Variants in MPHOSPH6 observed in about 807,000 individuals in gnomAD.
MPHOSPH6 encodes the protein M-phase phosphoprotein 6.
MPHOSPH6 carries 25 observed loss-of-function variants against 21.8 expected under a neutral mutation model. The ratio of observed to expected loss-of-function variants is 1.15; its 90% confidence interval spans 0.83 to 1.60. The LOEUF is 1.60. Among genes scored for constraint, MPHOSPH6 ranks in the 40% most tolerant of loss-of-function variants. The pLI is 0.00. For missense variants in MPHOSPH6, 269 were observed against 181.8 expected, an observed-to-expected ratio of 1.48 and a Z score of -2.76; for synonymous variants, 84 against 56.5, an observed-to-expected ratio of 1.49 and a Z score of -2.18.
chr16:82,160,114 G>T (rs1403905193), intron 2 of MPHOSPH6, among the ~76,000 whole-genome samples: 3 of 149,928 alleles, frequency 2.0e-5, no homozygotes, highest in Non-Finnish European at 4.5e-5. Context: ...CCACGGGTTT[G>T]CATTGACACC....
intron 2 of MPHOSPH6, among the ~76,000 whole-genome samples, chr16:82,158,775 T>A (rs1258136291): frequency 1.3e-5 from 2 of 152,250 alleles, no homozygotes; most frequent in African/African-American, 2.4e-5. Flanking sequence ...ATCTGTCATC[T>A]TGGGCTTGAT....
chr16:82,158,274 G>A (rs1443794360), intron 2 of MPHOSPH6, among the ~76,000 whole-genome samples: 1 of 151,414 alleles, frequency 6.6e-6, no homozygotes, highest in Non-Finnish European at 1.5e-5. Context: ...GGATCACGAG[G>A]TCAGGAAATT....
At chr16:82,167,218 T>C (rs1906811207) in intron 1 of MPHOSPH6, among the ~76,000 whole-genome samples, 3 of 152,184 alleles carry the variant, frequency 2.0e-5, no homozygotes, top group Admixed American at 2.0e-4. Flanking sequence ...ATAAGCACCC[T>C]CTACAACCAT....
intron 1 of MPHOSPH6, among the ~76,000 whole-genome samples, chr16:82,168,398 T>G (rs1906858498): frequency 6.6e-6 from 1 of 152,002 alleles, no homozygotes; most frequent in African/African-American, 2.4e-5. Context: ...TCCACCCTCA[T>G]TCACCCATTC....
At chr16:82,167,818 C>T (rs1457978757) in intron 1 of MPHOSPH6, among the ~76,000 whole-genome samples, 1 of 152,208 alleles carries the variant, frequency 6.6e-6, no homozygotes, top group Non-Finnish European at 1.5e-5. Context: ...TGCCTGCCCG[C>T]TGCTCACTTC....
In MPHOSPH6 at chr16:82,148,994, T is replaced by C. The variant is rs76039364; in HGVS notation, c.351-131A>G. ...AGAAAACTATCATTAAAAGAAACCA[T>C]CTGATTTAACAATTTATGAACTTCT... On this transcript the variant is annotated intron_variant, in intron 4 of 4. Coordinates refer to ENST00000258169, the MANE Select transcript of MPHOSPH6 (RefSeq NM_005792.2). The C allele has an allele frequency of 8.9e-4, 1,076 of 1,210,988 alleles. 13 individuals are homozygous for C. The African/African-American group carries it at 0.013, about 15-fold the overall frequency. The allele number at this position is 1,210,988 out of a possible 1,614,324, so 75.0% of individuals were successfully genotyped here.
intron 2 of MPHOSPH6, among the ~76,000 whole-genome samples, chr16:82,152,911 A>G (rs1906312086): frequency 6.6e-6 from 1 of 152,224 alleles, no homozygotes; most frequent in South Asian, 2.1e-4. Flanking sequence ...CTTATGCAAC[A>G]AACACTTATT....
Position 82,148,646 on chromosome 16 carries a change from AC to A in MPHOSPH6, c.*84del. 6.7e-7 allele frequency: 1 copy of A among 1,482,506 alleles called. No homozygotes were observed. The highest frequency in any genetic ancestry group is 9.1e-7 in the Non-Finnish European group (1 of 1,098,246). The allele number at this position is 1,482,506 out of a possible 1,614,324, so 91.8% of individuals were successfully genotyped here. A position where few individuals can be genotyped will look rare whatever the true frequency, so the allele number is the denominator to read the frequency against. ...ACAAGTAAACGTTACAGTATTAATA[AC>A]TATAGAGACACCATTGGGATGAGCT... On this transcript the variant is annotated 3_prime_UTR_variant, in exon 5 of 5. Coordinates refer to ENST00000258169, the MANE Select transcript of MPHOSPH6 (RefSeq NM_005792.2).
intron 1 of MPHOSPH6, chr16:82,167,572 GT>G: frequency 6.4e-6 from 1 of 157,098 alleles, no homozygotes; most frequent in Non-Finnish European, 1.4e-5. Flanking sequence ...ACCTGAGCTT[GT>G]TTTCCTGAAA....
At chr16:82,166,458 T>C (rs12599988) in intron 1 of MPHOSPH6, among the ~76,000 whole-genome samples, 99,138 of 152,108 alleles carry the variant, frequency 0.65, 34,426 homozygotes, top group East Asian at 0.78. Context: ...GGTTGGCATT[T>C]GGCTTGGCTC....
chr16:82,157,946 T>C (rs1358434897), intron 2 of MPHOSPH6, among the ~76,000 whole-genome samples: 1 of 152,226 alleles, frequency 6.6e-6, no homozygotes, highest in Non-Finnish European at 1.5e-5. Flanking sequence ...CATCTTTTAC[T>C]GTGTTGACAT....
intron 2 of MPHOSPH6, among the ~76,000 whole-genome samples, chr16:82,152,589 G>T (rs956254437): frequency 3.3e-5 from 5 of 152,168 alleles, no homozygotes; most frequent in African/African-American, 1.2e-4. Flanking sequence ...AAGACGGGCA[G>T]AAATAACGGT....
At chr16:82,160,802 C>T (rs1906583081) in intron 2 of MPHOSPH6, among the ~76,000 whole-genome samples, 1 of 152,084 alleles carries the variant, frequency 6.6e-6, no homozygotes, top group African/African-American at 2.4e-5. Context: ...GTTCAGGAGA[C>T]ACTACTCCCA....
At chr16:82,162,514 G>T (rs79348628) in intron 2 of MPHOSPH6, among the ~76,000 whole-genome samples, 3 of 152,114 alleles carry the variant, frequency 2.0e-5, no homozygotes, top group African/African-American at 4.8e-5. Context: ...GGCCGTACCC[G>T]TGAATGGAGG....
intron 1 of MPHOSPH6, 138 bp downstream of exon 1, chr16:82,169,987 T>C (rs1327222658): frequency 4.0e-6 from 4 of 992,928 alleles, no homozygotes; most frequent in Admixed American, 3.3e-5. Context: ...AGGCGCTAAG[T>C]GAATGAATGA....
chr16:82,162,179 C>A (rs1014770884), intron 2 of MPHOSPH6: 1 of 152,224 alleles, frequency 6.6e-6, no homozygotes, highest in African/African-American at 2.4e-5. Context: ...ATACCCAATA[C>A]ACAAATGACA....
chr16:82,161,252 G>C (rs996534306), intron 2 of MPHOSPH6, among the ~76,000 whole-genome samples: 2 of 152,102 alleles, frequency 1.3e-5, no homozygotes, highest in African/African-American at 4.8e-5. Flanking sequence ...ACTTCAAATG[G>C]GTGGAAGGAA....
At chr16:82,169,503 G>A (rs1005967122) in intron 1 of MPHOSPH6, among the ~76,000 whole-genome samples, 2 of 152,078 alleles carry the variant, frequency 1.3e-5, no homozygotes, top group Non-Finnish European at 2.9e-5. Flanking sequence ...CCAGCCTACT[G>A]GCCCACCCTG....
chr16:82,167,281 G>C (rs941614161), intron 1 of MPHOSPH6, among the ~76,000 whole-genome samples: 1 of 152,044 alleles, frequency 6.6e-6, no homozygotes. Context: ...TTCCCATTAG[G>C]ATCACCCTGC....
Sources: allele counts gnomAD v4.1 joint callset (sites outside exome capture counted in the v4.1 genomes callset), GRCh38; gene constraint gnomAD v4.1.1; transcripts MANE v1.5; gene names NCBI Gene and HGNC (gene_info 2026-07-23, HGNC 2026-07-21).